The following AKAP10 variants were observed in gnomAD, a reference collection of about 807,000 sequenced individuals.
AKAP10 encodes the protein A-kinase anchor protein 10, mitochondrial.
A neutral mutation model predicts 80.8 loss-of-function variants in AKAP10; 24 were observed. That is an observed-to-expected ratio of 0.30 (90% CI 0.22 to 0.42). AKAP10 has a LOEUF of 0.42. Among genes scored for constraint, AKAP10 ranks in the 10% least tolerant of loss-of-function variants. The probability of loss-of-function intolerance (pLI) is 1.00; values close to 1 mark genes in which losing one functional copy is unlikely to be tolerated. For missense variants in AKAP10, 661 were observed against 794.9 expected (o/e 0.83, Z 2.03); for synonymous variants, 291 against 277.7 (o/e 1.05, Z -0.48).
intron 1 of AKAP10, among the ~76,000 whole-genome samples, chr17:19,975,013 T>A (rs2043547429): frequency 6.6e-6 from 1 of 152,086 alleles, no homozygotes; most frequent in African/African-American, 2.4e-5. Flanking sequence ...TCTTTCAAAA[T>A]TTTAAATTAA....
intron 5 of AKAP10, among the ~76,000 whole-genome samples, chr17:19,946,244 T>TATATATATTTTATATATATATATAAA: frequency 7.0e-5 from 1 of 14,250 alleles, no homozygotes; most frequent in African/African-American, 4.4e-4. Context: ...ATATTATATA[T>TATATATATTTTATATATATATATAAA]ATATATATAT....
chr17:19,946,465 T>C (rs2152415652), intron 5 of AKAP10, among the ~76,000 whole-genome samples: 1 of 147,738 alleles, frequency 6.8e-6, no homozygotes, highest in South Asian at 2.1e-4. Context: ...TGCTTCAGTT[T>C]CTTCATCTAT....
At chr17:19,961,311 C>T (rs1287853439) in intron 3 of AKAP10, among the ~76,000 whole-genome samples, 1 of 151,478 alleles carries the variant, frequency 6.6e-6, no homozygotes, top group Non-Finnish European at 1.5e-5. Context: ...GTAATCACGC[C>T]ACTGTACTCC....
At chr17:19,917,504 C>G (rs533011040) in intron 12 of AKAP10, among the ~76,000 whole-genome samples, 1 of 152,272 alleles carries the variant, frequency 6.6e-6, no homozygotes, top group African/African-American at 2.4e-5. Context: ...TGGTCTTGCT[C>G]CATTACCTAG....
intron 10 of AKAP10, among the ~76,000 whole-genome samples, chr17:19,930,988 C>T (rs568724304): frequency 5.5e-4 from 84 of 152,188 alleles, no homozygotes; most frequent in African/African-American, 1.9e-3. Flanking sequence ...GGATTACAGG[C>T]GTGAACCATC....
chr17:19,937,809 T>A (rs1029693414), intron 8 of AKAP10, among the ~76,000 whole-genome samples: 1 of 152,148 alleles, frequency 6.6e-6, no homozygotes, highest in Non-Finnish European at 1.5e-5. Flanking sequence ...AGAAAATCAT[T>A]ACCTCTCTGG....
chr17:19,916,622 G>C lies in AKAP10; in HGVS notation c.1834+3414C>G, dbSNP rs546349761. On this transcript the variant is annotated intron_variant, in intron 12 of 14. Transcript: ENST00000225737. ...GAGCACTTCTTCATGAGCTGTCAGA[G>C]GTATGAGACCAGATTAAAAAAAAAA... is the stretch of plus-strand genomic sequence containing the variant. Among the ~76,000 whole-genome samples the C allele has an allele frequency of 4.0e-5, 6 of 151,636 alleles. No individual in the cohort carries two copies. In the East Asian group the frequency reaches 7.7e-4, roughly 20 times the overall value.
Position 19,916,729 on chromosome 17 carries a change from A to G in AKAP10, c.1834+3307T>C, listed in dbSNP as rs2042746957. ...GAGGTGGGCGGATCACGACATCAGGAGATCGAGACCATCCTGGCTAATGCG... is the reference window on the plus strand; with the variant it reads ...GAGGTGGGCGGATCACGACATCAGGGGATCGAGACCATCCTGGCTAATGCG... On this transcript the variant is annotated intron_variant, in intron 12 of 14. Coordinates refer to ENST00000225737, the MANE Select transcript of AKAP10 (RefSeq NM_007202.4). Among the ~76,000 whole-genome samples the G allele has an allele frequency of 3.3e-5, 5 of 150,640 alleles. No homozygotes were observed. In the Admixed American group the frequency reaches 3.3e-4, roughly 10 times the overall value.
At chr17:19,946,948 T>C (rs1036076913) in intron 5 of AKAP10, among the ~76,000 whole-genome samples, 2 of 152,194 alleles carry the variant, frequency 1.3e-5, no homozygotes, top group African/African-American at 4.8e-5. Context: ...CTGAGACACC[T>C]GTCTGGCCAT....
At chr17:19,916,276 G>T (rs1319337403) in intron 12 of AKAP10, among the ~76,000 whole-genome samples, 2 of 152,118 alleles carry the variant, frequency 1.3e-5, no homozygotes, top group Non-Finnish European at 2.9e-5. Context: ...ATGTACACAG[G>T]CTACATTTGT....
intron 12 of AKAP10, among the ~76,000 whole-genome samples, chr17:19,911,825 A>C (rs1273791014): frequency 7.2e-6 from 1 of 138,780 alleles, no homozygotes; most frequent in East Asian, 2.1e-4. Context: ...ACAAGAGCAA[A>C]ACTCTGTCAC....
chr17:19,940,809 C>T (rs765735629), intron 7 of AKAP10, 78 bp downstream of exon 7: 5 of 1,459,564 alleles, frequency 3.4e-6, no homozygotes, highest in Non-Finnish European at 4.5e-6. Context: ...TGTGTTATTT[C>T]CTATAGACAG....
At chr17:19,940,800 G>C in intron 7 of AKAP10, 87 bp downstream of exon 7, 4 of 1,404,002 alleles carry the variant, frequency 2.8e-6, no homozygotes, top group Non-Finnish European at 3.7e-6. Flanking sequence ...TGGCTCTTCT[G>C]TGTTATTTCC....
At chr17:19,915,351 C>A (rs1156789222) in intron 12 of AKAP10, among the ~76,000 whole-genome samples, 1 of 152,178 alleles carries the variant, frequency 6.6e-6, no homozygotes, top group East Asian at 1.9e-4. Flanking sequence ...TGTAGGATAA[C>A]TGATATGCTT....
chr17:19,953,114 GAA>G (rs1246585909), intron 4 of AKAP10, among the ~76,000 whole-genome samples: 2 of 151,838 alleles, frequency 1.3e-5, no homozygotes, highest in African/African-American at 2.4e-5. Context: ...AAAATAACAG[GAA>G]AAAAGTCTCC....
At position 19,936,027 on chromosome 17, in the gene AKAP10, C is replaced by T. The variant is rs2042988459; in HGVS notation, c.1467+259G>A. 1.7e-5 allele frequency: 5 copies of T among 294,886 alleles called. No individual in the cohort carries two copies. The East Asian group carries it at 2.9e-4, about 17-fold the overall frequency. 18.3% of individuals were successfully genotyped at this position (294,886 alleles called of 1,614,324 possible). On this transcript the variant is annotated intron_variant, in intron 9 of 14. Transcript: ENST00000225737. The stretch of plus-strand genomic sequence containing the variant: ...ACTTATTAAAATTTATTTTTTCTAA[C>T]TTTTGTTATTATTGCACTACCAGCT...
chr17:19,936,168 CT>C, intron 9 of AKAP10, 117 bp downstream of exon 9: 1 of 1,222,622 alleles, frequency 8.2e-7, no homozygotes, highest in Non-Finnish European at 1.1e-6. Context: ...CTCTTAATCA[CT>C]TTGCTGGACT....
At chr17:19,961,515 A>G (rs2043349451) in intron 3 of AKAP10, among the ~76,000 whole-genome samples, 1 of 152,202 alleles carries the variant, frequency 6.6e-6, no homozygotes, top group African/African-American at 2.4e-5. Flanking sequence ...AGTGTGCCCC[A>G]CAAACACATT....
At chr17:19,974,910 T>C (rs564746090) in intron 1 of AKAP10, among the ~76,000 whole-genome samples, 1 of 152,100 alleles carries the variant, frequency 6.6e-6, no homozygotes, top group Non-Finnish European at 1.5e-5. Context: ...CCTCAGGTGA[T>C]CCTCCTGTCT....
Sources: allele counts gnomAD v4.1 joint callset (sites outside exome capture counted in the v4.1 genomes callset), GRCh38; gene constraint gnomAD v4.1.1; transcripts MANE v1.5; gene names NCBI Gene and HGNC (gene_info 2026-07-23, HGNC 2026-07-21).